The following DHX8 variants were observed in gnomAD, a reference collection of about 807,000 sequenced individuals.
DHX8 encodes DEAH-box helicase 8, also known as ATP-dependent RNA helicase DHX8.
A neutral mutation model predicts 140.7 loss-of-function variants in DHX8; 67 were observed. The observed-to-expected ratio is 0.48, with a 90% confidence interval of 0.39 to 0.58. The LOEUF (loss-of-function observed/expected upper bound fraction) is 0.58. DHX8 is among the 20% of genes least tolerant of loss of function. DHX8 has a pLI of 0.00. For missense variants in DHX8, 887 were observed against 1,550.7 expected (o/e 0.57, Z 7.19); for synonymous variants, 533 against 553.2 (o/e 0.96, Z 0.51).
chr17:43,530,576 A>G (rs1302028830), downstream of DHX8: 2 of 472,944 alleles, frequency 4.2e-6, no homozygotes, highest in Non-Finnish European at 6.8e-6. Context: ...ATGTCCGGTC[A>G]GCAGGTCAGG....
At chr17:43,494,809 CTTT>C (rs368825760) in intron 8 of DHX8, among the ~76,000 whole-genome samples, 7 of 134,558 alleles carry the variant, frequency 5.2e-5, no homozygotes, top group Admixed American at 7.5e-5. Context: ...GTTTTCTTTC[CTTT>C]TTTTTTTTTT....
Position 43,532,982 on chromosome 17 carries a change from A to T in DHX8, c.351-3430A>T, listed in dbSNP as rs1292807299. On this transcript the variant is annotated intron_variant, in intron 2 of 3. Transcript: ENST00000589898. ...GAGAAGGAAGAGAAGAGAACTTTAA[A>T]TTAATCCTTCCTCGAGCCTGTTACT... 4 of 1,527,908 alleles carry T rather than the reference A, an allele frequency of 2.6e-6. No homozygotes were observed. The South Asian group carries it at 5.2e-5, about 20-fold the overall frequency. 94.6% of individuals were successfully genotyped at this position (1,527,908 alleles called of 1,614,324 possible). A position where few individuals can be genotyped will look rare whatever the true frequency, so the allele number is the denominator to read the frequency against.
Position 43,504,671 on chromosome 17 carries a change from T to C in DHX8, c.1574T>C (p.Met525Thr). ...GAAGGCAGACAGATTGCTGCCAACA[T>C]GAGGGGTATTGGGATGATGCCCAAT... The part of the protein sequence containing the change: ...DAEGRQIAAN[M>T]RGIGMMPNDI... The change falls in exon 12 of 23, where the codon ATG becomes ACG. Residue 525 changes from methionine to threonine, a missense_variant. By Grantham distance (81) the Met-to-Thr change is moderately conservative. Transcript: ENST00000262415. 6.2e-7 allele frequency: 1 copy of C among 1,612,530 alleles called. No homozygotes were observed. Among genetic ancestry groups the C allele is most frequent in the South Asian group, 1.1e-5 (1 of 90,688 alleles).
chr17:43,508,205 G>A, intron 15 of DHX8, 134 bp from the exon 16 acceptor site: 1 of 1,264,994 alleles, frequency 7.9e-7, no homozygotes, highest in African/African-American at 1.5e-5. Flanking sequence ...AAACAAACTT[G>A]TATTGTTTAC....
chr17:43,493,871 G>C lies in DHX8; in HGVS notation c.1197G>C (p.Lys399Asn). ...KRLTRISDPE[K>N]WEIKQMIAAN... ...TCACCCGAATCTCTGACCCAGAGAA[G>C]TGGGAGATCAAACAGGTTGGGGCCT... The change falls in exon 8 of 23, where the codon AAG becomes AAC. Residue 399 changes from lysine (K) to asparagine (N), a missense_variant. Physicochemically the swap from Lys to Asn is moderately conservative, Grantham distance 94. Coordinates refer to ENST00000262415, the MANE Select transcript of DHX8 (RefSeq NM_004941.3). 1 of 1,614,240 alleles carries C rather than the reference G, an allele frequency of 6.2e-7. No homozygotes were observed. Among genetic ancestry groups the C allele is most frequent in the Middle Eastern group, 1.6e-4 (1 of 6,062 alleles).
At chr17:43,520,673 C>G in intron 19 of DHX8, 78 bp from the exon 20 acceptor site, 1 of 1,584,612 alleles carries the variant, frequency 6.3e-7, no homozygotes, top group Non-Finnish European at 8.6e-7. Context: ...GTTACCCACT[C>G]TGACCAAGGT....
chr17:43,539,127 T>C (rs1186570057), intron 3 of DHX8, among the ~76,000 whole-genome samples: 1 of 152,172 alleles, frequency 6.6e-6, no homozygotes, highest in Non-Finnish European at 1.5e-5. Context: ...TAAAATCATT[T>C]CTCTCTGTTA....
At chr17:43,536,678 C>A (rs1359384171) in intron 3 of DHX8, among the ~76,000 whole-genome samples, 1 of 152,268 alleles carries the variant, frequency 6.6e-6, no homozygotes, top group Non-Finnish European at 1.5e-5. Flanking sequence ...AGCTGATGAA[C>A]TTAAAATCAC....
At chr17:43,522,298 G>T in intron 22 of DHX8, 72 bp downstream of exon 22, 1 of 1,482,812 alleles carries the variant, frequency 6.7e-7, no homozygotes, top group South Asian at 1.3e-5. Flanking sequence ...CTGGTATTTT[G>T]TGATTGTGTC....
intron 2 of DHX8, chr17:43,532,591 G>T: frequency 1.6e-6 from 2 of 1,279,866 alleles, no homozygotes; most frequent in Non-Finnish European, 2.2e-6. Context: ...ATGGTAAACA[G>T]CAATGTAAAA....
intron 10 of DHX8, among the ~76,000 whole-genome samples, chr17:43,499,327 G>T (rs944495684): frequency 6.6e-6 from 1 of 152,190 alleles, no homozygotes; most frequent in African/African-American, 2.4e-5. Flanking sequence ...GTAGCACTGG[G>T]TGCTGGAGAG....
At position 43,493,493 on chromosome 17, in the gene DHX8, T is replaced by A. The variant is rs1598126208; in HGVS notation, c.912T>A (p.Gly304=). ...LVHISELRRE[G]RVANVADVVS... The stretch of plus-strand genomic sequence containing the variant: ...ACATCTCTGAGCTCCGGCGGGAGGG[T>A]CGTGTGGCCAATGTAGCTGATGTCG... Residue 304 remains glycine, a synonymous_variant, in exon 7 of 23, where the codon GGT becomes GGA. Coordinates refer to ENST00000262415, the MANE Select transcript of DHX8 (RefSeq NM_004941.3). 2 of 1,613,484 alleles carry A rather than the reference T, an allele frequency of 1.2e-6. No homozygotes were observed. The highest frequency in any genetic ancestry group is 1.3e-5 in the African/African-American group (1 of 74,752).
intron 10 of DHX8, 102 bp downstream of exon 10, chr17:43,499,061 A>G: frequency 1.2e-6 from 1 of 838,682 alleles, no homozygotes; most frequent in South Asian, 1.7e-5. Context: ...CTTGGGCCAC[A>G]GAAAGTATTA....
chr17:43,502,955 C>T (rs983383719), intron 11 of DHX8, among the ~76,000 whole-genome samples: 3 of 152,132 alleles, frequency 2.0e-5, no homozygotes, highest in Admixed American at 6.5e-5. Context: ...AGTATTTTTT[C>T]GTAGCCAGCT....
chr17:43,496,686 A>G (rs1010416110), intron 9 of DHX8, among the ~76,000 whole-genome samples: 9 of 152,100 alleles, frequency 5.9e-5, no homozygotes, highest in Non-Finnish European at 1.2e-4. Flanking sequence ...AGTCTGAGGC[A>G]GGAGAATTGC....
chr17:43,521,948 T>TG, intron 21 of DHX8, 99 bp from the exon 22 acceptor site: 1 of 1,313,468 alleles, frequency 7.6e-7, no homozygotes, highest in East Asian at 2.3e-5. Context: ...TCCTGGTGAC[T>TG]ACTCTGGGCA....
chr17:43,504,972 C>T (rs1951097053), intron 12 of DHX8, 147 bp downstream of exon 12: 2 of 805,210 alleles, frequency 2.5e-6, no homozygotes, highest in African/African-American at 1.8e-5. Context: ...ATAAAACTTT[C>T]TAAATACTTT....
intron 17 of DHX8, among the ~76,000 whole-genome samples, chr17:43,515,931 G>C (rs1215837969): frequency 6.6e-6 from 1 of 151,990 alleles, no homozygotes; most frequent in Non-Finnish European, 1.5e-5. Flanking sequence ...GCCCTCTTCA[G>C]ATTGCTATTC....
Position 43,501,254 on chromosome 17 carries a change from G to C in DHX8, c.1546+1151G>C, listed in dbSNP as rs1598143032. ...TAAATTGGACTCAGTCTGTCAAGTG[G>C]AGATGGGATGGAGGTTGGGGAGTAT... On this transcript the variant is annotated intron_variant, in intron 11 of 22. Coordinates refer to ENST00000262415, the MANE Select transcript of DHX8 (RefSeq NM_004941.3). 7.2e-5 allele frequency among the ~76,000 whole-genome samples: 11 copies of C among 152,256 alleles called. 2 individuals carry two copies. Among genetic ancestry groups the C allele is most frequent in the Admixed American group, 6.5e-4 (10 of 15,274 alleles).
Sources: allele counts gnomAD v4.1 joint callset (sites outside exome capture counted in the v4.1 genomes callset), GRCh38; gene constraint gnomAD v4.1.1; transcripts MANE v1.5; gene names NCBI Gene and HGNC (gene_info 2026-07-23, HGNC 2026-07-21).